SHISA9: variants seen among roughly 807,000 people sequenced by gnomAD.
SHISA9 encodes shisa family member 9, also known as protein shisa-9.
In SHISA9, 13 loss-of-function variants were observed where a neutral mutation model predicts 38.0. That is an observed-to-expected ratio of 0.34 (90% CI 0.22 to 0.54). The LOEUF (loss-of-function observed/expected upper bound fraction) is 0.54, where lower values mean the gene tolerates loss of function less well. Among genes scored for constraint, SHISA9 ranks in the 20% least tolerant of loss-of-function variants. The pLI, the probability that SHISA9 is intolerant of heterozygous loss-of-function variation, is 0.91. For missense variants in SHISA9, 538 were observed against 575.8 expected (o/e 0.93, Z 0.67); for synonymous variants, 275 against 242.0 (o/e 1.14, Z -1.27).
chr16:13,020,993 T>C (rs1423380382), intron 2 of SHISA9, among the ~76,000 whole-genome samples: 1 of 152,176 alleles, frequency 6.6e-6, no homozygotes, highest in African/African-American at 2.4e-5. Flanking sequence ...TGCTTGGGTG[T>C]AGAAACTGAA....
At chr16:13,329,432 A>G in the SHISA9 span, among the ~76,000 whole-genome samples, 3 of 152,192 alleles carry the variant, frequency 2.0e-5, no homozygotes, top group Non-Finnish European at 4.4e-5. Context: ...GGTTAAGGAT[A>G]CAGATTAAAA....
At chr16:13,400,466 A>G in the SHISA9 span, among the ~76,000 whole-genome samples, 1 of 152,126 alleles carries the variant, frequency 6.6e-6, no homozygotes, top group African/African-American at 2.4e-5. Context: ...GTTTCTTTCA[A>G]GGCCAAATCG....
At chr16:13,386,608 T>G in the SHISA9 span, among the ~76,000 whole-genome samples, 2 of 152,244 alleles carry the variant, frequency 1.3e-5, no homozygotes, top group Non-Finnish European at 2.9e-5. Context: ...CGATATTATT[T>G]TTATTATACA....
chr16:13,097,848 T>A (rs541454055), intron 2 of SHISA9, among the ~76,000 whole-genome samples: 33 of 152,344 alleles, frequency 2.2e-4, no homozygotes, highest in African/African-American at 7.5e-4. Context: ...GACAGCATCC[T>A]ACTTCACCAG....
chr16:13,268,410 G>A, the SHISA9 span, among the ~76,000 whole-genome samples: 5 of 152,150 alleles, frequency 3.3e-5, no homozygotes, highest in African/African-American at 1.2e-4. Flanking sequence ...CTTGGGAGTT[G>A]AGGCAGGAGA....
At chr16:12,905,970 C>T (rs1261919413) in intron 1 of SHISA9, among the ~76,000 whole-genome samples, 5 of 152,236 alleles carry the variant, frequency 3.3e-5, no homozygotes, top group Admixed American at 2.6e-4. Context: ...ACCCCAGGTA[C>T]CTGCCAAATG....
At chr16:13,561,501 A>G in the SHISA9 span, among the ~76,000 whole-genome samples, 1 of 152,216 alleles carries the variant, frequency 6.6e-6, no homozygotes, top group African/African-American at 2.4e-5. Context: ...TGTTCCGTTG[A>G]TAGCTGTCAG....
the SHISA9 span, among the ~76,000 whole-genome samples, chr16:13,327,170 C>G: frequency 6.6e-6 from 1 of 152,132 alleles, no homozygotes; most frequent in South Asian, 2.1e-4. Context: ...CGTACCAAGC[C>G]AGAGTCCTAC....
chr16:13,531,874 A>G, the SHISA9 span, among the ~76,000 whole-genome samples: 1 of 152,204 alleles, frequency 6.6e-6, no homozygotes, highest in Non-Finnish European at 1.5e-5. Flanking sequence ...GCTATTAAAG[A>G]TGAATTATCA....
chr16:13,512,874 A>G, the SHISA9 span, among the ~76,000 whole-genome samples: 1 of 152,328 alleles, frequency 6.6e-6, no homozygotes, highest in African/African-American at 2.4e-5. Context: ...TGTATTAAAA[A>G]CTTAAATGTA....
chr16:13,292,900 T>A, the SHISA9 span, among the ~76,000 whole-genome samples: 1 of 152,258 alleles, frequency 6.6e-6, no homozygotes, highest in African/African-American at 2.4e-5. Flanking sequence ...ATAAAGTAAA[T>A]ATATTTGCTT....
the SHISA9 span, among the ~76,000 whole-genome samples, chr16:13,362,056 C>A: frequency 6.6e-6 from 1 of 151,944 alleles, no homozygotes; most frequent in African/African-American, 2.4e-5. Flanking sequence ...TTCTCACCTG[C>A]AAAATATAGA....
At chr16:12,939,897 G>T (rs933603429) in intron 2 of SHISA9, among the ~76,000 whole-genome samples, 3 of 152,200 alleles carry the variant, frequency 2.0e-5, no homozygotes, top group African/African-American at 4.8e-5. Flanking sequence ...TGGGACTGGG[G>T]CTGTGATATA....
chr16:13,487,358 C>T, the SHISA9 span, among the ~76,000 whole-genome samples: 1 of 152,206 alleles, frequency 6.6e-6, no homozygotes, highest in Admixed American at 6.5e-5. Context: ...GTACAGGAAG[C>T]ATCACATAAG....
chr16:12,988,142 C>G (rs184454908), intron 2 of SHISA9, among the ~76,000 whole-genome samples: 2 of 152,340 alleles, frequency 1.3e-5, no homozygotes, highest in Admixed American at 1.3e-4. Context: ...TCTCTAGGCT[C>G]CAGTCCAGAT....
At chr16:13,319,928 G>C in the SHISA9 span, among the ~76,000 whole-genome samples, 2 of 152,042 alleles carry the variant, frequency 1.3e-5, no homozygotes, top group South Asian at 4.1e-4. Flanking sequence ...CCAGGAAAAA[G>C]GAAAATCTGC....
At chr16:13,490,284 C>T in the SHISA9 span, among the ~76,000 whole-genome samples, 2 of 152,200 alleles carry the variant, frequency 1.3e-5, no homozygotes, top group South Asian at 2.1e-4. Context: ...AAATGAGGGC[C>T]GGGCACAGTG....
At chr16:13,233,101 C>G (rs2051347919) in intron 4 of SHISA9, among the ~76,000 whole-genome samples, 1 of 152,008 alleles carries the variant, frequency 6.6e-6, no homozygotes, top group African/African-American at 2.4e-5. Flanking sequence ...AATGTTGTGT[C>G]AGAGTCAGAT....
At chr16:13,050,590 C>T (rs1389307319) in intron 2 of SHISA9, among the ~76,000 whole-genome samples, 2 of 152,190 alleles carry the variant, frequency 1.3e-5, no homozygotes, top group Non-Finnish European at 2.9e-5. Context: ...CTTCAGCCTC[C>T]CAAAGTGCTG....
Sources: gnomAD v4.1 joint callset for allele counts (sites outside exome capture counted in the v4.1 genomes callset) on GRCh38, gnomAD v4.1.1 for gene constraint, MANE v1.5 for transcripts, NCBI Gene and HGNC (gene_info 2026-07-23, HGNC 2026-07-21) for gene names.